Variants in ADCY10 observed in about 807,000 individuals in gnomAD.
ADCY10 encodes adenylate cyclase type 10.
Under a neutral mutation model 183.3 loss-of-function variants are expected in ADCY10, and 156 were observed. That is an observed-to-expected ratio of 0.85 (90% confidence interval 0.75 to 0.97). ADCY10 has a LOEUF of 0.97. Among genes scored for constraint, ADCY10 ranks in the 50% least tolerant of loss-of-function variants. The probability of loss-of-function intolerance (pLI) is 0.00; values close to 1 mark genes in which losing one functional copy is unlikely to be tolerated. For synonymous variants in ADCY10, 645 were observed against 670.0 expected, an observed-to-expected ratio of 0.96 and a Z score of 0.58; for missense variants, 1,745 against 1,934.3, an observed-to-expected ratio of 0.90 and a Z score of 1.84.
chr1:167,901,888 C>T, intron 4 of ADCY10, 83 bp from the exon 5 acceptor site: 2 of 1,611,638 alleles, frequency 1.2e-6, no homozygotes, highest in Non-Finnish European at 1.7e-6. Context: ...GAAACTTACT[C>T]ATCAAGCATT....
At chr1:167,829,717 T>C (rs1180202010) in intron 25 of ADCY10, among the ~76,000 whole-genome samples, 1 of 152,254 alleles carries the variant, frequency 6.6e-6, no homozygotes, top group Non-Finnish European at 1.5e-5. Flanking sequence ...CACATTGATA[T>C]TATTCATCAC....
intron 3 of ADCY10, among the ~76,000 whole-genome samples, chr1:167,902,685 G>T (rs142355500): frequency 1.3e-5 from 2 of 152,194 alleles, no homozygotes; most frequent in Admixed American, 6.5e-5. Context: ...GTAACATCAA[G>T]ATATTACTAA....
Position 167,901,695 on chromosome 1 carries a change from A to C in ADCY10, c.403T>G (p.Trp135Gly). The C allele has an allele frequency of 6.2e-7, 1 of 1,613,848 alleles. No homozygotes were observed. The highest frequency in any genetic ancestry group is 8.5e-7 in the Non-Finnish European group (1 of 1,179,996). ...ACTCGGATGTCTAGGCCTTCTTCCC[A>C]CTCCTGGGTCTCAAACAATCCATGG... ...EIHGLFETQE[W>G]EEGLDIRVKI... The change falls in exon 5 of 33, where the codon TGG becomes GGG. Residue 135 changes from tryptophan to glycine, a missense_variant. Transcript: ENST00000367851.
chr1:167,816,537 C>A (rs1441673783), intron 31 of ADCY10, among the ~76,000 whole-genome samples: 1 of 151,990 alleles, frequency 6.6e-6, no homozygotes, highest in Non-Finnish European at 1.5e-5. Context: ...CAGAGTGAGA[C>A]TCCATTTCAA....
At chr1:167,826,398 G>A (rs148474419) in intron 26 of ADCY10, among the ~76,000 whole-genome samples, 134 of 152,296 alleles carry the variant, frequency 8.8e-4, no homozygotes, top group East Asian at 6.4e-3. Context: ...GCGGAGTCCT[G>A]GAAACCACCC....
chr1:167,853,480 A>T (rs1436390874), intron 18 of ADCY10, among the ~76,000 whole-genome samples: 1 of 152,182 alleles, frequency 6.6e-6, no homozygotes, highest in Non-Finnish European at 1.5e-5. Flanking sequence ...GAGCTTAAGA[A>T]TCTAGCAACT....
At chr1:167,812,468 G>C (rs1018484763) in intron 31 of ADCY10, among the ~76,000 whole-genome samples, 1 of 152,162 alleles carries the variant, frequency 6.6e-6, no homozygotes, top group Non-Finnish European at 1.5e-5. Flanking sequence ...CTGATCCTTG[G>C]CATAGAGACA....
rs1665029893 is a variant in ADCY10, at chr1:167,846,359, A to G, written c.2438-96T>C. The G allele has an allele frequency of 3.4e-6, 5 of 1,481,952 alleles. No individual in the cohort carries two copies. The South Asian group carries it at 3.4e-5, about 10-fold the overall frequency. The allele number at this position is 1,481,952 out of a possible 1,614,324, so 91.8% of individuals were successfully genotyped here. Reference sequence around the variant, plus strand: ...AGCAGGTGGACAACCATCCTGCTCTACAGTTCTTGTTGCAAGAAACTCAGC... The same window carrying G: ...AGCAGGTGGACAACCATCCTGCTCTGCAGTTCTTGTTGCAAGAAACTCAGC... On this transcript the variant is annotated intron_variant, in intron 19 of 32. Coordinates refer to ENST00000367851, the MANE Select transcript of ADCY10 (RefSeq NM_018417.6).
At chr1:167,892,235 G>A (rs1355445778) in intron 8 of ADCY10, among the ~76,000 whole-genome samples, 3 of 152,170 alleles carry the variant, frequency 2.0e-5, no homozygotes. Flanking sequence ...GCTTCCCAAA[G>A]TGCTGGGATT....
At chr1:167,861,201 C>A (rs2102051193) in intron 14 of ADCY10, 138 bp from the exon 15 acceptor site, 2 of 747,342 alleles carry the variant, frequency 2.7e-6, no homozygotes, top group South Asian at 3.2e-5. Flanking sequence ...CGCAATGGTT[C>A]TTTATTGCTG....
chr1:167,827,207 G>T (rs1488366511), intron 26 of ADCY10, among the ~76,000 whole-genome samples: 1 of 150,662 alleles, frequency 6.6e-6, no homozygotes, highest in Admixed American at 6.6e-5. Flanking sequence ...TTGCTCTGTC[G>T]CCCAGGCTGG....
chr1:167,886,570 T>C (rs1668238185), intron 8 of ADCY10, among the ~76,000 whole-genome samples: 2 of 152,162 alleles, frequency 1.3e-5, no homozygotes, highest in Admixed American at 6.6e-5. Context: ...AAGACTTAAA[T>C]GTTAGACCTA....
intron 26 of ADCY10, 92 bp downstream of exon 26, chr1:167,829,175 C>T: frequency 6.8e-7 from 1 of 1,469,480 alleles, no homozygotes; most frequent in Non-Finnish European, 9.4e-7. Context: ...TTATTATATC[C>T]TCAGAATTTT....
At chr1:167,827,579 G>T (rs1226791581) in intron 26 of ADCY10, among the ~76,000 whole-genome samples, 2 of 151,900 alleles carry the variant, frequency 1.3e-5, no homozygotes, top group African/African-American at 4.8e-5. Flanking sequence ...CCAGTCAAAG[G>T]CTTCTTTGGT....
At chr1:167,894,833 T>G (rs755920815) in intron 7 of ADCY10, among the ~76,000 whole-genome samples, 4 of 152,004 alleles carry the variant, frequency 2.6e-5, no homozygotes, top group African/African-American at 7.2e-5. Flanking sequence ...GTGTCTGAAG[T>G]TTGTAGAGGA....
At position 167,818,173 on chromosome 1, in the gene ADCY10, C is replaced by A; in HGVS notation, c.4381G>T (p.Asp1461Tyr). 6.2e-7 allele frequency: 1 copy of A among 1,614,160 alleles called. No individual in the cohort carries two copies. The highest frequency in any genetic ancestry group is 8.5e-7 in the Non-Finnish European group (1 of 1,180,028). The change falls in exon 31 of 33, where the codon GAC (aspartate) becomes TAC (tyrosine). Residue 1461 changes from aspartate to tyrosine, a missense_variant. By Grantham distance (160) the Asp-to-Tyr change is radical. Transcript: ENST00000367851. ...CCCTCCATGTACCTAGATATTCCGT[C>A]ATAGTAAGTAAGTGTCATGGTTCTT... Reference protein sequence around the residue: ...PRRTMTLTYYDGISRYMEGQV... With the variant: ...PRRTMTLTYYYGISRYMEGQV...
At position 167,809,575 on chromosome 1, in the gene ADCY10, A is replaced by C; in HGVS notation, c.*103T>G. 8.0e-7 allele frequency: 1 copy of C among 1,255,548 alleles called. No individual in the cohort carries two copies. The highest frequency in any genetic ancestry group is 1.2e-5 in the South Asian group (1 of 82,380). 77.8% of individuals were successfully genotyped at this position (1,255,548 alleles called of 1,614,324 possible). A position where few individuals can be genotyped will look rare whatever the true frequency, so the allele number is the denominator to read the frequency against. On this transcript the variant is annotated 3_prime_UTR_variant, in exon 33 of 33. Coordinates refer to ENST00000367851, the MANE Select transcript of ADCY10 (RefSeq NM_018417.6). ...ATGTCTGTTTCTGTGTCTGGAACAG[A>C]AGAGATTATGTAGGAACCTGGAGTG... is the stretch of plus-strand genomic sequence containing the variant.
At chr1:167,870,947 G>A (rs1290101206) in intron 13 of ADCY10, among the ~76,000 whole-genome samples, 1 of 152,104 alleles carries the variant, frequency 6.6e-6, no homozygotes, top group Non-Finnish European at 1.5e-5. Flanking sequence ...TTGATTAGAA[G>A]CTGTGAGAGA....
intron 11 of ADCY10, among the ~76,000 whole-genome samples, 175 bp downstream of exon 11, chr1:167,879,940 A>T (rs1210204520): frequency 6.6e-6 from 1 of 152,206 alleles, no homozygotes; most frequent in African/African-American, 2.4e-5. Flanking sequence ...ATAGCCCCAG[A>T]AATGCACACT....
Sources: gnomAD v4.1 joint callset for allele counts (sites outside exome capture counted in the v4.1 genomes callset) on GRCh38, gnomAD v4.1.1 for gene constraint, MANE v1.5 for transcripts, NCBI Gene and HGNC (gene_info 2026-07-23, HGNC 2026-07-21) for gene names.